The following ANKRD26 variants were observed in gnomAD, a reference collection of about 807,000 sequenced individuals.
ANKRD26 encodes ankyrin repeat domain 26.
In ANKRD26, 141 loss-of-function variants were observed where a neutral mutation model predicts 208.7. That is an observed-to-expected ratio of 0.68 (90% CI 0.59 to 0.78). The LOEUF (loss-of-function observed/expected upper bound fraction) is 0.78, where lower values mean the gene tolerates loss of function less well. ANKRD26 is among the 30% of genes least tolerant of loss of function. The pLI, the probability that ANKRD26 is intolerant of heterozygous loss-of-function variation, is 0.00. For missense variants in ANKRD26, 1,889 were observed against 1,938.7 expected (o/e 0.97, Z 0.48); for synonymous variants, 636 against 660.4 (o/e 0.96, Z 0.57).
At chr10:27,058,000 G>A (rs997961826) in intron 15 of ANKRD26, among the ~76,000 whole-genome samples, 7 of 151,286 alleles carry the variant, frequency 4.6e-5, no homozygotes, top group African/African-American at 9.7e-5. Context: ...TTGTTCCCAC[G>A]TGAAAATAAA....
At chr10:26,955,515 A>G in the ANKRD26 span, among the ~76,000 whole-genome samples, 242 of 152,266 alleles carry the variant, frequency 1.6e-3, no homozygotes, top group Non-Finnish European at 3.2e-3. Context: ...ATGTGTATAA[A>G]TATGTTCCAA....
the ANKRD26 span, among the ~76,000 whole-genome samples, chr10:26,955,438 A>AAT: frequency 1.4e-4 from 20 of 145,960 alleles, no homozygotes; most frequent in African/African-American, 4.1e-4. Flanking sequence ...CAAAAAAAAA[A>AAT]ATATATATAT....
chr10:27,075,049 G>C (rs2055647106), intron 9 of ANKRD26, among the ~76,000 whole-genome samples: 2 of 152,148 alleles, frequency 1.3e-5, no homozygotes, highest in Admixed American at 1.3e-4. Context: ...GAGGGAATCT[G>C]TCAATACTAG....
At chr10:27,071,764 T>C (rs2055509290) in intron 9 of ANKRD26, among the ~76,000 whole-genome samples, 2 of 152,126 alleles carry the variant, frequency 1.3e-5, no homozygotes, top group African/African-American at 4.8e-5. Context: ...AGATGGTCCC[T>C]GGAACACACT....
chr10:26,979,330 C>G (rs566023810), intron 5 of ANKRD26, among the ~76,000 whole-genome samples: 1 of 152,298 alleles, frequency 6.6e-6, no homozygotes, highest in Admixed American at 6.5e-5. Context: ...CCAAAAAAGA[C>G]TTTTCTAGTA....
chr10:26,997,896 T>G (rs2052631005), intron 4 of ANKRD26, among the ~76,000 whole-genome samples: 2 of 152,212 alleles, frequency 1.3e-5, no homozygotes, highest in Non-Finnish European at 2.9e-5. Flanking sequence ...GCTTGGGGCC[T>G]TCACAGCATC....
chr10:27,009,024 A>G (rs558416019), intron 32 of ANKRD26, among the ~76,000 whole-genome samples: 2 of 152,270 alleles, frequency 1.3e-5, no homozygotes, highest in East Asian at 3.9e-4. Flanking sequence ...ATTTTTTAGT[A>G]GAGACGGGGT....
At chr10:27,054,278 A>G (rs1425870890) in intron 15 of ANKRD26, among the ~76,000 whole-genome samples, 1 of 152,172 alleles carries the variant, frequency 6.6e-6, no homozygotes, top group African/African-American at 2.4e-5. Context: ...AGTTCTAAAC[A>G]CTGAGGTTTA....
the ANKRD26 span, among the ~76,000 whole-genome samples, chr10:26,958,073 TTATATA>T: frequency 6.9e-6 from 1 of 144,160 alleles, no homozygotes. Flanking sequence ...TCACCCAGTT[TTATATA>T]TATATATATA....
chr10:27,051,511 G>T, intron 16 of ANKRD26: 1 of 1,021,388 alleles, frequency 9.8e-7, no homozygotes, highest in Non-Finnish European at 1.2e-6. Context: ...ACTACTTCTG[G>T]GTTCCTTACT....
rs540411793 is a variant in ANKRD26, at chr10:27,067,193, T to A, written c.1171A>T (p.Thr391Ser). 1.9e-6 allele frequency: 3 copies of A among 1,613,816 alleles called. No homozygotes were observed. In the African/African-American group the frequency reaches 4.0e-5, roughly 22 times the overall value. Reference sequence around the variant, plus strand: ...TTTTTGTGCACTTCATCAACATAAGTCAAATTGTCATTATTTGTTTGCTCT... The same window carrying A: ...TTTTTGTGCACTTCATCAACATAAGACAAATTGTCATTATTTGTTTGCTCT... ...PLEQTNNDNL[T>S]YVDEVHKNNR... The change falls in exon 10 of 34, where the codon ACT becomes TCT. Residue 391 changes from threonine to serine, a missense_variant. Coordinates refer to ENST00000376087, the MANE Select transcript of ANKRD26 (RefSeq NM_014915.3).
exon 6 of ANKRD26, among the ~76,000 whole-genome samples, chr10:26,975,637 T>C (rs1032381435): frequency 6.6e-6 from 1 of 151,598 alleles, no homozygotes; most frequent in Non-Finnish European, 1.5e-5. Flanking sequence ...AGGTCAGGAG[T>C]TCGAGACCAG....
chr10:27,063,624 A>C (rs950331753), intron 12 of ANKRD26, among the ~76,000 whole-genome samples: 4 of 151,970 alleles, frequency 2.6e-5, no homozygotes, highest in African/African-American at 7.2e-5. Context: ...CTGGCCCTAG[A>C]ATTATTTTAT....
At chr10:27,079,379 G>A (rs1010212431) in intron 6 of ANKRD26, among the ~76,000 whole-genome samples, 5 of 152,162 alleles carry the variant, frequency 3.3e-5, no homozygotes, top group South Asian at 2.1e-4. Flanking sequence ...CTACCTCTCC[G>A]AAACTATAAA....
At position 27,046,397 on chromosome 10, in the gene ANKRD26, C is replaced by CT; in HGVS notation, c.1940_1941insA (p.Asp648GlyfsTer2). The CT allele has an allele frequency of 6.2e-7, 1 of 1,614,060 alleles. No homozygotes were observed. Among genetic ancestry groups the CT allele is most frequent in the Non-Finnish European group, 8.5e-7 (1 of 1,180,000 alleles). On this transcript the variant is annotated frameshift_variant, in exon 18 of 34. Transcript: ENST00000376087. LOFTEE classifies it high-confidence loss of function. ...TTTCACTTAAACTGCTGTCATCATC[C>CT]ACTTGTAGCAGGCCACCAGTTAGTA...
rs114267068 is a variant in ANKRD26, at chr10:27,022,759, T to C, written c.4086-72A>G. ...CATTTAATAATTATTTAAACAGATA[T>C]TATGTTTTAGCATGTAAGAAAAACA... On this transcript the variant is annotated intron_variant, in intron 28 of 33. Transcript: ENST00000376087. 1.4e-3 allele frequency: 1,917 copies of C among 1,387,150 alleles called. 26 individuals are homozygous for C. In the African/African-American group the frequency reaches 0.024, roughly 18 times the overall value. 85.9% of individuals were successfully genotyped at this position (1,387,150 alleles called of 1,614,324 possible).
chr10:27,000,379 A>G (rs2052695396), downstream of ANKRD26, among the ~76,000 whole-genome samples: 1 of 152,230 alleles, frequency 6.6e-6, no homozygotes, highest in Non-Finnish European at 1.5e-5. Flanking sequence ...CAAAATGTGG[A>G]TGCCTACTGT....
intron 14 of ANKRD26, 34 bp downstream of exon 14, chr10:27,060,478 T>G (rs2055015991): frequency 6.4e-7 from 1 of 1,561,064 alleles, no homozygotes; most frequent in African/African-American, 1.4e-5. Context: ...AATATGCACT[T>G]AATAATTCAA....
intron 9 of ANKRD26, among the ~76,000 whole-genome samples, chr10:27,071,078 G>A (rs893305803): frequency 2.4e-4 from 36 of 151,222 alleles, no homozygotes; most frequent in Admixed American, 1.7e-3. Context: ...TGGTGTATGC[G>A]TATGTGTCCA....
Sources: allele counts gnomAD v4.1 joint callset (sites outside exome capture counted in the v4.1 genomes callset), GRCh38; gene constraint gnomAD v4.1.1; transcripts MANE v1.5; gene names NCBI Gene and HGNC (gene_info 2026-07-23, HGNC 2026-07-21).